The following GUCY1A2 variants were observed in gnomAD, a reference collection of about 807,000 sequenced individuals.
GUCY1A2 encodes the protein guanylate cyclase soluble subunit alpha-2.
GUCY1A2 carries 27 observed loss-of-function variants against 63.5 expected under a neutral mutation model. That is an observed-to-expected ratio of 0.43 (90% CI 0.31 to 0.59). GUCY1A2 has a LOEUF of 0.59. Ranked by LOEUF, GUCY1A2 falls within the 20% of genes least tolerant of loss-of-function variation. GUCY1A2 has a pLI of 0.11. For missense variants in GUCY1A2, 768 were observed against 913.3 expected (o/e 0.84, Z 2.05); for synonymous variants, 364 against 343.5 (o/e 1.06, Z -0.66).
At position 106,967,720 on chromosome 11, in the gene GUCY1A2, AAGGGAGGAAAGG is replaced by A. The variant is rs1387293156; in HGVS notation, c.487+10887_487+10898del. On this transcript the variant is annotated intron_variant, in intron 3 of 7. Transcript: ENST00000526355. The stretch of plus-strand genomic sequence containing the variant: ...GGAGGCAGGAAGGAAGGAAGGAATG[AAGGGAGGAAAGG>A]AGGGAGGGAGGGAGGGAGGGAAGGA... Among the ~76,000 whole-genome samples the A allele has an allele frequency of 1.1e-4, 15 of 132,938 alleles. No individual in the cohort carries two copies. The East Asian group carries it at 3.9e-3, about 34-fold the overall frequency. 87.2% of individuals were successfully genotyped at this position (132,938 alleles called of 152,430 possible).
intron 1 of GUCY1A2, among the ~76,000 whole-genome samples, chr11:106,995,062 T>C (rs1374297843): frequency 1.3e-5 from 2 of 152,130 alleles, no homozygotes; most frequent in African/African-American, 2.4e-5. Flanking sequence ...AAATGGATCA[T>C]GGTATAGCAA....
At chr11:106,942,095 A>G (rs71488233) in intron 3 of GUCY1A2, among the ~76,000 whole-genome samples, 1 of 150,010 alleles carries the variant, frequency 6.7e-6, no homozygotes, top group Non-Finnish European at 1.5e-5. Flanking sequence ...ACAAAGACAG[A>G]CAATATTCAC....
At chr11:106,892,014 C>A (rs1295521004) in intron 4 of GUCY1A2, among the ~76,000 whole-genome samples, 3 of 151,948 alleles carry the variant, frequency 2.0e-5, no homozygotes, top group African/African-American at 4.8e-5. Context: ...TTTTTAAATC[C>A]ATGAACATAG....
At chr11:106,881,362 A>T (rs1196480283) in intron 4 of GUCY1A2, among the ~76,000 whole-genome samples, 1 of 152,058 alleles carries the variant, frequency 6.6e-6, no homozygotes, top group Admixed American at 6.6e-5. Context: ...TAAAGCTCTG[A>T]CTTCATGAAT....
intron 3 of GUCY1A2, among the ~76,000 whole-genome samples, chr11:106,971,580 G>T (rs908117675): frequency 6.6e-6 from 1 of 152,104 alleles, no homozygotes; most frequent in African/African-American, 2.4e-5. Context: ...ATATAGACAA[G>T]CAAGAGGGAA....
intron 4 of GUCY1A2, among the ~76,000 whole-genome samples, chr11:106,842,997 AT>A (rs1236587155): frequency 6.6e-6 from 1 of 151,904 alleles, no homozygotes; most frequent in Non-Finnish European, 1.5e-5. Context: ...TGTTTTACAT[AT>A]TATGATTCCA....
rs572433745 is a variant in GUCY1A2, at chr11:106,851,978, T to A, written c.1207-41500A>T. 4.6e-5 allele frequency among the ~76,000 whole-genome samples: 7 copies of A among 152,128 alleles called. No individual in the cohort carries two copies. In the South Asian group the frequency reaches 1.4e-3, roughly 31 times the overall value. On this transcript the variant is annotated intron_variant, in intron 4 of 7. Coordinates refer to ENST00000526355, the MANE Select transcript of GUCY1A2 (RefSeq NM_000855.3). ...TTAACATTATTAATTCTTCCAATCA[T>A]GAGCAAGGGATGTCATTCCATTTGT...
rs1862340742 is a variant in GUCY1A2, at chr11:106,676,072, CTT to C, written c.*11475_*11476del. On this transcript the variant is annotated 3_prime_UTR_variant, in exon 8 of 8. Coordinates refer to ENST00000526355, the MANE Select transcript of GUCY1A2 (RefSeq NM_000855.3). ...CTGTATAATTTTCTATTAACACAAA[CTT>C]ATGTCATGAAGATAATTAAGTGGTT... is the stretch of plus-strand genomic sequence containing the variant. The C allele has an allele frequency of 5.5e-6, 1 of 182,776 alleles. No homozygotes were observed. The highest frequency in any genetic ancestry group is 1.2e-5 in the Non-Finnish European group (1 of 85,944). 11.3% of individuals were successfully genotyped at this position (182,776 alleles called of 1,614,324 possible).
At chr11:106,749,925 G>C (rs1024512469) in intron 6 of GUCY1A2, among the ~76,000 whole-genome samples, 1 of 152,080 alleles carries the variant, frequency 6.6e-6, no homozygotes, top group Non-Finnish European at 1.5e-5. Context: ...CTCCAGAGGG[G>C]CAGAAACAAT....
At chr11:106,965,375 C>T (rs1474047316) in intron 3 of GUCY1A2, among the ~76,000 whole-genome samples, 1 of 151,916 alleles carries the variant, frequency 6.6e-6, no homozygotes, top group African/African-American at 2.4e-5. Flanking sequence ...AATAGTAAAG[C>T]ATATATAATT....
At chr11:106,689,212 A>C (rs1862579200) in intron 7 of GUCY1A2, among the ~76,000 whole-genome samples, 1 of 152,184 alleles carries the variant, frequency 6.6e-6, no homozygotes. Flanking sequence ...TGGATAGAAA[A>C]TATTACCTAA....
intron 3 of GUCY1A2, among the ~76,000 whole-genome samples, chr11:106,964,441 A>G (rs373827131): frequency 7.2e-5 from 11 of 152,112 alleles, no homozygotes; most frequent in African/African-American, 2.4e-4. Flanking sequence ...CCTGACCACT[A>G]GGTACCTACA....
At chr11:106,790,272 C>G (rs1048625086) in intron 5 of GUCY1A2, among the ~76,000 whole-genome samples, 6 of 152,160 alleles carry the variant, frequency 3.9e-5, no homozygotes, top group African/African-American at 1.4e-4. Flanking sequence ...GTGGCCACCA[C>G]CACCATAGGC....
chr11:106,856,240 A>G (rs1298754154), intron 4 of GUCY1A2, among the ~76,000 whole-genome samples: 1 of 152,008 alleles, frequency 6.6e-6, no homozygotes, highest in African/African-American at 2.4e-5. Flanking sequence ...CAGTGAGCTG[A>G]GATCATGCCA....
At chr11:106,830,849 C>A (rs753136792) in intron 4 of GUCY1A2, among the ~76,000 whole-genome samples, 2 of 152,138 alleles carry the variant, frequency 1.3e-5, no homozygotes, top group Non-Finnish European at 2.9e-5. Flanking sequence ...TAGGCCAGTA[C>A]CCACATATAC....
chr11:106,701,935 A>G (rs555079232), intron 7 of GUCY1A2, among the ~76,000 whole-genome samples: 2 of 152,128 alleles, frequency 1.3e-5, no homozygotes, highest in South Asian at 2.1e-4. Context: ...TTAAAAAGTA[A>G]TTATTGTTTT....
At chr11:106,799,351 C>T (rs1591282219) in intron 5 of GUCY1A2, among the ~76,000 whole-genome samples, 1 of 152,156 alleles carries the variant, frequency 6.6e-6, no homozygotes, top group South Asian at 2.1e-4. Flanking sequence ...AATGCCATCC[C>T]CATCAAGCTA....
rs1862382869 is a variant in GUCY1A2, at chr11:106,678,542, G to A, written c.*9007C>T. ...TATTGACCATGAAGAAATAGTTCTT[G>A]GGAGGCAATAAAAGTAGAATTGCTG... On this transcript the variant is annotated 3_prime_UTR_variant, in exon 8 of 8. Transcript: ENST00000526355. The A allele has an allele frequency of 4.7e-6, 1 of 213,150 alleles. No individual in the cohort carries two copies. Among genetic ancestry groups the A allele is most frequent in the South Asian group, 1.9e-4 (1 of 5,346 alleles). 13.2% of individuals were successfully genotyped at this position (213,150 alleles called of 1,614,324 possible).
intron 4 of GUCY1A2, chr11:106,827,881 C>A: frequency 6.3e-7 from 1 of 1,575,354 alleles, no homozygotes; most frequent in Non-Finnish European, 8.7e-7. Context: ...GGAGGGCGCG[C>A]TGCCTTCATG....
Sources: allele counts gnomAD v4.1 joint callset (sites outside exome capture counted in the v4.1 genomes callset), GRCh38; gene constraint gnomAD v4.1.1; transcripts MANE v1.5; gene names NCBI Gene and HGNC (gene_info 2026-07-23, HGNC 2026-07-21).